The following BCAR3 variants were observed in gnomAD, a reference collection of about 807,000 sequenced individuals.
BCAR3 encodes breast cancer anti-estrogen resistance protein 3.
A neutral mutation model predicts 80.1 loss-of-function variants in BCAR3; 37 were observed. That is an observed-to-expected ratio of 0.46 (90% CI 0.36 to 0.61). The LOEUF (loss-of-function observed/expected upper bound fraction) is 0.61, where lower values mean the gene tolerates loss of function less well. BCAR3 is among the 20% of genes least tolerant of loss of function. BCAR3 has a pLI of 0.00. For missense variants in BCAR3, 978 were observed against 1,068.2 expected (o/e 0.92, Z 1.18); for synonymous variants, 389 against 418.9 (o/e 0.93, Z 0.87).
In BCAR3 at chr1:93,674,601, T is replaced by A. The variant is rs1220023604; in HGVS notation, c.317+13A>T. 1 of 1,609,820 alleles carries A rather than the reference T, an allele frequency of 6.2e-7. No homozygotes were observed. On this transcript the variant is annotated intron_variant, in intron 2 of 11. Transcript: ENST00000260502. ...AGACAAATCATCTTCACTAGTGAAA[T>A]TACAGAAGTTACCTGAAGGTGAAGG...
intron 2 of BCAR3, among the ~76,000 whole-genome samples, chr1:93,712,351 C>T (rs1650051791): frequency 6.6e-6 from 1 of 152,196 alleles, no homozygotes; most frequent in Admixed American, 6.5e-5. Flanking sequence ...ATGAGTGGTA[C>T]AATTCCTGCT....
At chr1:93,790,591 G>A (rs932985687) in intron 2 of BCAR3, among the ~76,000 whole-genome samples, 3 of 135,754 alleles carry the variant, frequency 2.2e-5, no homozygotes, top group Non-Finnish European at 4.7e-5. Context: ...CTGCTTTCAT[G>A]TAAGATCTAA....
In BCAR3 at chr1:93,588,993, TG is replaced by T. The variant is rs1284119299; in HGVS notation, c.912del (p.Arg305GlyfsTer70). The T allele has an allele frequency of 6.3e-7, 1 of 1,577,088 alleles. No individual in the cohort carries two copies. The highest frequency in any genetic ancestry group is 2.3e-5 in the East Asian group (1 of 44,256). On this transcript the variant is annotated frameshift_variant, in exon 5 of 12. Coordinates refer to ENST00000260502, the MANE Select transcript of BCAR3 (RefSeq NM_003567.4). LOFTEE classifies it high-confidence loss of function. ...GGVQAREQNLPRGNLLRNKEK... is the reference protein window; with the variant it reads ...GGVQAREQNLXRGNLLRNKEK... Reference sequence around the variant, plus strand: ...CTGACCTACCTGAGGAGGTTTCCCCTGGGCAAATTCTGCTCTCGGGCCTGGA... The same window carrying T: ...CTGACCTACCTGAGGAGGTTTCCCCTGGCAAATTCTGCTCTCGGGCCTGGA...
chr1:93,676,747 TCACA>T (rs1648506983), intron 1 of BCAR3, among the ~76,000 whole-genome samples: 1 of 152,226 alleles, frequency 6.6e-6, no homozygotes, highest in African/African-American at 2.4e-5. Flanking sequence ...TTGTGACTTC[TCACA>T]GACAGGACTG....
intron 3 of BCAR3, among the ~76,000 whole-genome samples, chr1:93,620,554 C>T (rs1675275789): frequency 6.6e-6 from 1 of 152,092 alleles, no homozygotes; most frequent in Non-Finnish European, 1.5e-5. Flanking sequence ...GGTGGTACCC[C>T]TCCTTTCCCA....
intron 2 of BCAR3, among the ~76,000 whole-genome samples, chr1:93,731,063 T>C (rs1344506294): frequency 6.6e-6 from 1 of 152,136 alleles, no homozygotes; most frequent in East Asian, 1.9e-4. Context: ...AGCAGACAAA[T>C]GAAAACCAAG....
At chr1:93,696,044 T>C (rs978763883) in intron 3 of BCAR3, among the ~76,000 whole-genome samples, 26 of 148,648 alleles carry the variant, frequency 1.7e-4, no homozygotes, top group Non-Finnish European at 3.1e-4. Flanking sequence ...GCTTCTCTCT[T>C]TTTTTTTTTT....
At chr1:93,842,146 T>C (rs1654984790) in intron 2 of BCAR3, among the ~76,000 whole-genome samples, 1 of 86,584 alleles carries the variant, frequency 1.2e-5, no homozygotes, top group African/African-American at 4.8e-5. Flanking sequence ...GTACCTGTCA[T>C]CCTTTTTTTT....
intron 2 of BCAR3, among the ~76,000 whole-genome samples, chr1:93,711,475 C>A (rs900916877): frequency 6.6e-6 from 1 of 152,116 alleles, no homozygotes; most frequent in South Asian, 2.1e-4. Flanking sequence ...AGGTATGAGG[C>A]CTCTTAAGGG....
chr1:93,626,590 C>T (rs968223975), intron 3 of BCAR3, among the ~76,000 whole-genome samples: 1 of 152,160 alleles, frequency 6.6e-6, no homozygotes. Context: ...GGGTTAATTC[C>T]TGGTGCCTCA....
At chr1:93,770,356 T>C (rs1652315828) in intron 2 of BCAR3, among the ~76,000 whole-genome samples, 2 of 152,256 alleles carry the variant, frequency 1.3e-5, no homozygotes, top group East Asian at 3.9e-4. Context: ...AGAGTGCCTC[T>C]GCTCTGATCC....
intron 2 of BCAR3, among the ~76,000 whole-genome samples, chr1:93,725,957 C>G (rs1488003636): frequency 6.6e-6 from 1 of 152,192 alleles, no homozygotes; most frequent in Non-Finnish European, 1.5e-5. Flanking sequence ...TTTTTCCATT[C>G]TGGCATCAGT....
intron 7 of BCAR3, among the ~76,000 whole-genome samples, chr1:93,580,486 A>T (rs1383513624): frequency 6.6e-6 from 1 of 151,554 alleles, no homozygotes; most frequent in Non-Finnish European, 1.5e-5. Context: ...CAGTAGATTC[A>T]ACCAACCAAG....
chr1:93,650,653 T>G (rs1314609708), intron 2 of BCAR3, among the ~76,000 whole-genome samples: 1 of 152,142 alleles, frequency 6.6e-6, no homozygotes, highest in African/African-American at 2.4e-5. Flanking sequence ...AAACAGCACC[T>G]GGCATTAGTA....
chr1:93,733,879 A>G (rs559475014), intron 2 of BCAR3, among the ~76,000 whole-genome samples: 2 of 152,234 alleles, frequency 1.3e-5, no homozygotes, highest in Non-Finnish European at 1.5e-5. Flanking sequence ...AGATAGGCAT[A>G]GTAGACAAGT....
chr1:93,758,028 G>A (rs1450870504), intron 2 of BCAR3, among the ~76,000 whole-genome samples: 1 of 152,170 alleles, frequency 6.6e-6, no homozygotes, highest in Admixed American at 6.5e-5. Context: ...AGGGAAAGGA[G>A]GAGCCCTTGG....
intron 3 of BCAR3, among the ~76,000 whole-genome samples, chr1:93,700,898 C>T (rs1003989829): frequency 2.6e-5 from 4 of 152,242 alleles, no homozygotes; most frequent in East Asian, 1.9e-4. Flanking sequence ...TGCCCACAGG[C>T]GTCTGCCGTC....
At chr1:93,790,969 C>A in intron 2 of BCAR3, among the ~76,000 whole-genome samples, 1 of 74,952 alleles carries the variant, frequency 1.3e-5, no homozygotes, top group Non-Finnish European at 2.3e-5. Context: ...CATGTCCCTA[C>A]AAAGGACATG....
rs558293987 is a variant in BCAR3 at position 93,622,998 on chromosome 1, T to C, written c.357+19306A>G. Reference sequence around the variant, plus strand: ...CCCGGTTGGGTCACTTGTGATAAGATGTGGGAATCCATCCAAGGACAAGCT... The same window carrying C: ...CCCGGTTGGGTCACTTGTGATAAGACGTGGGAATCCATCCAAGGACAAGCT... On this transcript the variant is annotated intron_variant, in intron 3 of 11. Coordinates refer to ENST00000260502, the MANE Select transcript of BCAR3 (RefSeq NM_003567.4). 5.9e-5 allele frequency among the ~76,000 whole-genome samples: 9 copies of C among 152,240 alleles called. No individual in the cohort carries two copies. The South Asian group carries it at 1.9e-3, about 32-fold the overall frequency.
Sources: allele counts gnomAD v4.1 joint callset (sites outside exome capture counted in the v4.1 genomes callset), GRCh38; gene constraint gnomAD v4.1.1; transcripts MANE v1.5; gene names NCBI Gene and HGNC (gene_info 2026-07-23, HGNC 2026-07-21).